Variants in TMOD3 observed in about 807,000 individuals in gnomAD.
TMOD3 encodes tropomodulin-3.
A neutral mutation model predicts 39.2 loss-of-function variants in TMOD3; 20 were observed. The ratio of observed to expected loss-of-function variants is 0.51; its 90% CI spans 0.36 to 0.74. The LOEUF (loss-of-function observed/expected upper bound fraction) is 0.74. Ranked by LOEUF, TMOD3 falls within the 30% of genes least tolerant of loss-of-function variation. The pLI is 0.00. For missense variants in TMOD3, 381 were observed against 412.8 expected (o/e 0.92, Z 0.67); for synonymous variants, 143 against 145.8 (o/e 0.98, Z 0.14).
At chr15:51,881,334 G>T (rs981630286) in intron 3 of TMOD3, among the ~76,000 whole-genome samples, 1 of 151,976 alleles carries the variant, frequency 6.6e-6, no homozygotes, top group African/African-American at 2.4e-5. Context: ...ATATATTCTG[G>T]ATAAAAATTT....
At chr15:51,893,059 G>A (rs1425860750) in intron 5 of TMOD3, among the ~76,000 whole-genome samples, 1 of 151,848 alleles carries the variant, frequency 6.6e-6, no homozygotes, top group East Asian at 1.9e-4. Flanking sequence ...ACTTTGGGAG[G>A]CCAAGGCAGG....
At chr15:51,860,563 C>A in intron 1 of TMOD3, 1 of 575,620 alleles carries the variant, frequency 1.7e-6, no homozygotes. Context: ...ATCCACAAAG[C>A]TGGCTTGTTG....
intron 1 of TMOD3, among the ~76,000 whole-genome samples, chr15:51,831,843 A>G (rs2056256912): frequency 6.6e-6 from 1 of 151,138 alleles, no homozygotes; most frequent in Non-Finnish European, 1.5e-5. Context: ...CCCATTCTGT[A>G]TTCTGTACAA....
At chr15:51,863,920 A>G (rs71472917) in intron 2 of TMOD3, among the ~76,000 whole-genome samples, 1 of 152,194 alleles carries the variant, frequency 6.6e-6, no homozygotes, top group Non-Finnish European at 1.5e-5. Flanking sequence ...TCACATCACA[A>G]CAGTATCTTC....
intron 2 of TMOD3, among the ~76,000 whole-genome samples, chr15:51,866,642 A>T (rs1189131896): frequency 6.6e-6 from 1 of 152,222 alleles, no homozygotes; most frequent in Non-Finnish European, 1.5e-5. Context: ...ACCATGAAAT[A>T]GCAATATATA....
intron 1 of TMOD3, among the ~76,000 whole-genome samples, chr15:51,861,935 G>A (rs1595896326): frequency 6.6e-6 from 1 of 152,110 alleles, no homozygotes; most frequent in African/African-American, 2.4e-5. Flanking sequence ...GAGTCACTGC[G>A]TCTGGCCCAG....
intron 5 of TMOD3, among the ~76,000 whole-genome samples, chr15:51,891,769 A>G (rs2056594753): frequency 6.6e-6 from 1 of 151,838 alleles, no homozygotes; most frequent in Admixed American, 6.6e-5. Flanking sequence ...AGCTATCTTG[A>G]AGACTACCTT....
chr15:51,861,354 C>A, intron 1 of TMOD3: 1 of 201,414 alleles, frequency 5.0e-6, no homozygotes, highest in Non-Finnish European at 1.0e-5. Flanking sequence ...AGGAAGCTCC[C>A]CCATTTGCTT....
At chr15:51,852,785 A>C (rs1396549008) in intron 1 of TMOD3, among the ~76,000 whole-genome samples, 1 of 152,244 alleles carries the variant, frequency 6.6e-6, no homozygotes, top group Non-Finnish European at 1.5e-5. Context: ...ATGGCAGCCC[A>C]GTGGGGAATG....
chr15:51,874,601 A>T (rs1034317909), intron 3 of TMOD3, among the ~76,000 whole-genome samples: 2 of 152,214 alleles, frequency 1.3e-5, no homozygotes, highest in Admixed American at 6.5e-5. Flanking sequence ...TGTCTCAAAG[A>T]TAGATAAGGC....
Position 51,887,692 on chromosome 15 carries a change from A to G in TMOD3, c.387A>G (p.Thr129=). The G allele has an allele frequency of 6.2e-7, 1 of 1,613,622 alleles. No individual in the cohort carries two copies. Among genetic ancestry groups the G allele is most frequent in the Non-Finnish European group, 8.5e-7 (1 of 1,179,880 alleles). ...AAGCTTTGACAAGTGCTTCTGATACAGAATTGTGTGACCTCGCAGGTATCA... is the reference window on the plus strand; with the variant it reads ...AAGCTTTGACAAGTGCTTCTGATACGGAATTGTGTGACCTCGCAGGTATCA... The part of the protein sequence containing the change: ...LEEALTSASD[T]ELCDLAAILG... Residue 129 remains threonine (T), a synonymous_variant, in exon 4 of 10, where the codon ACA becomes ACG. Coordinates refer to ENST00000308580, the MANE Select transcript of TMOD3 (RefSeq NM_014547.5).
At chr15:51,894,707 T>C (rs2056612259) in intron 6 of TMOD3, among the ~76,000 whole-genome samples, 1 of 152,232 alleles carries the variant, frequency 6.6e-6, no homozygotes, top group Non-Finnish European at 1.5e-5. Context: ...CTTAGCATAA[T>C]ACATTTGAGA....
At chr15:51,893,294 C>CAAAAAAAAAAAA (rs59321162) in intron 5 of TMOD3, among the ~76,000 whole-genome samples, 11 of 59,008 alleles carry the variant, frequency 1.9e-4, no homozygotes, top group Admixed American at 2.9e-4. Context: ...GACTCCATCT[C>CAAAAAAAAAAAA]AAAAAAAAAA....
intron 9 of TMOD3, among the ~76,000 whole-genome samples, chr15:51,907,781 A>G (rs2056689741): frequency 6.6e-6 from 1 of 152,206 alleles, no homozygotes. Flanking sequence ...GCAGGTAGCA[A>G]GATCTGAAGT....
rs1294501183 is a variant in TMOD3, at chr15:51,863,016, T to C, written c.126+6T>C. 3 of 1,605,770 alleles carry C rather than the reference T, an allele frequency of 1.9e-6. No homozygotes were observed. Among genetic ancestry groups the C allele is most frequent in the Non-Finnish European group, 2.5e-6 (3 of 1,177,478 alleles). ...TGGATGATCTTGACCCCGAGGTAGG[T>C]GCTAGGTGATGAAGAGAAATGAAAT... On this transcript the variant is annotated splice_donor_region_variant and intron_variant, in intron 2 of 9. Coordinates refer to ENST00000308580, the MANE Select transcript of TMOD3 (RefSeq NM_014547.5).
At chr15:51,837,230 G>A (rs2056290649) in intron 1 of TMOD3, among the ~76,000 whole-genome samples, 1 of 152,008 alleles carries the variant, frequency 6.6e-6, no homozygotes, top group African/African-American at 2.4e-5. Context: ...TCATTCCCTG[G>A]GTGTGGTGGT....
chr15:51,858,535 G>A (rs1297883425), intron 1 of TMOD3, among the ~76,000 whole-genome samples: 3 of 151,900 alleles, frequency 2.0e-5, no homozygotes, highest in African/African-American at 7.2e-5. Flanking sequence ...CTGCAATGTA[G>A]TATCTGCATA....
At chr15:51,836,056 G>A (rs1022778670) in intron 1 of TMOD3, among the ~76,000 whole-genome samples, 3 of 152,156 alleles carry the variant, frequency 2.0e-5, no homozygotes, top group African/African-American at 7.2e-5. Context: ...TCAAAGACAG[G>A]ATTACCTTTC....
chr15:51,869,174 G>A lies in TMOD3; in HGVS notation c.127-43G>A, dbSNP rs375273926. The A allele has an allele frequency of 4.4e-6, 7 of 1,598,196 alleles. No individual in the cohort carries two copies. The African/African-American group carries it at 5.4e-5, about 12-fold the overall frequency. ...TAATCTTCGGAAGCATATAGCATTA[G>A]CATTCTTATTGGTCATATTGGCTGA... On this transcript the variant is annotated intron_variant, in intron 2 of 9. Transcript: ENST00000308580.
Sources: allele counts gnomAD v4.1 joint callset (sites outside exome capture counted in the v4.1 genomes callset), GRCh38; gene constraint gnomAD v4.1.1; transcripts MANE v1.5; gene names NCBI Gene and HGNC (gene_info 2026-07-23, HGNC 2026-07-21).